CSMD1: variants seen among roughly 807,000 people sequenced by gnomAD.
The protein encoded by CSMD1 is CUB and sushi domain-containing protein 1.
Under a neutral mutation model 417.5 loss-of-function variants are expected in CSMD1, and 213 were observed. The ratio of observed to expected loss-of-function variants is 0.51; its 90% confidence interval spans 0.46 to 0.57. The LOEUF is 0.57. Ranked by LOEUF, CSMD1 falls within the 20% of genes least tolerant of loss-of-function variation. The pLI, the probability that CSMD1 is intolerant of heterozygous loss-of-function variation, is 0.00. For missense variants in CSMD1, 6,923 were observed against 4,529.7 expected (o/e 1.53, Z -15.17); for synonymous variants, 2,862 against 1,736.8 (o/e 1.65, Z -16.11).
chr8:4,693,295 G>A (rs1157619897), intron 1 of CSMD1, among the ~76,000 whole-genome samples: 1 of 152,212 alleles, frequency 6.6e-6, no homozygotes, highest in Non-Finnish European at 1.5e-5. Context: ...TAGGGAAGAA[G>A]GAATAGCAAA....
intron 7 of CSMD1, among the ~76,000 whole-genome samples, chr8:3,657,082 C>T (rs1309963654): frequency 6.6e-6 from 1 of 152,098 alleles, no homozygotes; most frequent in Non-Finnish European, 1.5e-5. Flanking sequence ...AGAGAGTCCA[C>T]TACCGAGTTG....
chr8:4,397,377 T>C lies in CSMD1; in HGVS notation c.415+22576A>G, dbSNP rs151054165. On this transcript the variant is annotated intron_variant, in intron 3 of 69. Coordinates refer to ENST00000635120, the MANE Select transcript of CSMD1 (RefSeq NM_033225.6). The stretch of plus-strand genomic sequence containing the variant: ...GAGGAAGTCGAAAAAGATATAATCT[T>C]AAGTGGAAAAGAGAAGTTACTTCAT... 1.2e-3 allele frequency among the ~76,000 whole-genome samples: 185 copies of C among 152,204 alleles called. 1 individual carries two copies. Among genetic ancestry groups the C allele is most frequent in the African/African-American group, 4.2e-3 (174 of 41,534 alleles).
At chr8:4,371,145 T>A (rs1190596398) in intron 3 of CSMD1, among the ~76,000 whole-genome samples, 2 of 152,276 alleles carry the variant, frequency 1.3e-5, no homozygotes, top group African/African-American at 4.8e-5. Context: ...GTAGAACAAG[T>A]TGGGTATAGC....
In CSMD1 at chr8:2,962,653, C is replaced by G; in HGVS notation, c.9455-14G>C. On this transcript the variant is annotated splice_polypyrimidine_tract_variant and intron_variant, in intron 60 of 69. Coordinates refer to ENST00000635120, the MANE Select transcript of CSMD1 (RefSeq NM_033225.6). ...CGCAGAACACAGCTATGGAAGATAA[C>G]CAGGAAGAAGTCAGCCTTCAACGTC... 2.5e-6 allele frequency: 4 copies of G among 1,610,830 alleles called. No individual in the cohort carries two copies. The South Asian group carries it at 4.4e-5, about 18-fold the overall frequency.
chr8:4,294,016 G>C (rs776840760), intron 3 of CSMD1, among the ~76,000 whole-genome samples: 23 of 152,176 alleles, frequency 1.5e-4, no homozygotes, highest in Non-Finnish European at 2.4e-4. Flanking sequence ...TTTAGGATAA[G>C]AATCAGGACT....
intron 1 of CSMD1, among the ~76,000 whole-genome samples, chr8:4,877,937 A>T (rs528818871): frequency 1.3e-5 from 2 of 152,088 alleles, no homozygotes; most frequent in African/African-American, 2.4e-5. Flanking sequence ...AAAGGGACCT[A>T]CCCAAACAGA....
intron 26 of CSMD1, chr8:3,279,311 G>A (rs7821628): frequency 0.21 from 31,484 of 152,148 alleles, 3,972 homozygotes; most frequent in African/African-American, 0.36. Context: ...GCAACTCCCT[G>A]GCCATCCAAA....
rs76810572 is a variant in CSMD1, at chr8:3,400,497, G to A, written c.2267-968C>T. Among the ~76,000 whole-genome samples, 980 of 152,042 alleles carry A rather than the reference G, an allele frequency of 6.4e-3. 9 individuals are homozygous for A. The highest frequency in any genetic ancestry group is 0.023 in the African/African-American group (937 of 41,512). ...AAAATGTGAATTAGTGAAATTTATG[G>A]ATTTACCAATAGTATCTTAATTTAC... On this transcript the variant is annotated intron_variant, in intron 15 of 69. Transcript: ENST00000635120.
intron 3 of CSMD1, among the ~76,000 whole-genome samples, chr8:4,086,868 A>C: frequency 6.6e-6 from 1 of 152,260 alleles, no homozygotes; most frequent in Non-Finnish European, 1.5e-5. Context: ...TGGTAGCATA[A>C]GAGAGTAAAC....
intron 5 of CSMD1, among the ~76,000 whole-genome samples, chr8:3,806,617 A>T (rs922454310): frequency 6.6e-6 from 1 of 152,188 alleles, no homozygotes; most frequent in Non-Finnish European, 1.5e-5. Context: ...CAACATCAAT[A>T]ATCAATGTAA....
At chr8:3,042,291 A>C (rs899577970) in intron 50 of CSMD1, among the ~76,000 whole-genome samples, 6 of 152,102 alleles carry the variant, frequency 3.9e-5, no homozygotes, top group Admixed American at 1.3e-4. Flanking sequence ...GCATCTCCTT[A>C]GCTAAGGTAC....
At chr8:3,559,978 T>A (rs1799399622) in intron 10 of CSMD1, among the ~76,000 whole-genome samples, 1 of 152,108 alleles carries the variant, frequency 6.6e-6, no homozygotes, top group Non-Finnish European at 1.5e-5. Flanking sequence ...GAAGGTGGGT[T>A]TTCTGGATTT....
In CSMD1 at chr8:3,118,566, G is replaced by A; in HGVS notation, c.6263C>T (p.Pro2088Leu). 6.2e-7 allele frequency: 1 copy of A among 1,613,340 alleles called. No homozygotes were observed. The highest frequency in any genetic ancestry group is 8.5e-7 in the Non-Finnish European group (1 of 1,179,706). ...CCCATTCTGAAATGGGGGTGGATCT[G>A]GACAGTTCTGTAATTCATAGGCTGA... ...AYQAYELQNC[P>L]DPPPFQNGYM... Residue 2088 changes from proline to leucine, a missense_variant, in exon 42 of 70, where the codon CCA (proline) becomes CTA (leucine). Pro to Leu is a moderately conservative substitution (Grantham distance 98). Transcript: ENST00000635120.
At chr8:4,417,769 A>G (rs918853203) in intron 3 of CSMD1, among the ~76,000 whole-genome samples, 3 of 152,050 alleles carry the variant, frequency 2.0e-5, no homozygotes, top group East Asian at 1.9e-4. Flanking sequence ...TCTAATTATT[A>G]TCATTAATTC....
At chr8:3,479,157 A>G (rs1036402794) in intron 11 of CSMD1, among the ~76,000 whole-genome samples, 39 of 152,272 alleles carry the variant, frequency 2.6e-4, no homozygotes, top group Admixed American at 9.2e-4. Context: ...TCAAATTATC[A>G]TTGGAACCTC....
chr8:4,859,919 C>G (rs1585224602), intron 1 of CSMD1, among the ~76,000 whole-genome samples: 3 of 152,132 alleles, frequency 2.0e-5, no homozygotes, highest in South Asian at 2.1e-4. Context: ...GGTATATACC[C>G]AAAGGATTAT....
At chr8:4,680,956 G>GTGTGTGTGTGTGTA (rs1806004667) in intron 1 of CSMD1, among the ~76,000 whole-genome samples, 1 of 94,958 alleles carries the variant, frequency 1.1e-5, no homozygotes, top group Admixed American at 1.2e-4. Flanking sequence ...ATTGATGTGT[G>GTGTGTGTGTGTGTA]TGTGTGTGTG....
intron 3 of CSMD1, among the ~76,000 whole-genome samples, chr8:4,102,642 T>C (rs1356904107): frequency 6.6e-6 from 1 of 152,196 alleles, no homozygotes; most frequent in African/African-American, 2.4e-5. Context: ...CTTTTAAATG[T>C]TTTTTGCTGT....
chr8:4,810,185 G>A (rs1464690948), intron 1 of CSMD1, among the ~76,000 whole-genome samples: 1 of 152,250 alleles, frequency 6.6e-6, no homozygotes, highest in African/African-American at 2.4e-5. Context: ...CAAGAACTGA[G>A]CAGTATTAAC....
Sources: allele counts gnomAD v4.1 joint callset (sites outside exome capture counted in the v4.1 genomes callset), GRCh38; gene constraint gnomAD v4.1.1; transcripts MANE v1.5; gene names NCBI Gene and HGNC (gene_info 2026-07-23, HGNC 2026-07-21).